Variants in PLCXD3 observed in about 807,000 individuals in gnomAD.
PLCXD3 encodes PI-PLC X domain-containing protein 3.
Under a neutral mutation model 25.5 loss-of-function variants are expected in PLCXD3, and 19 were observed. That is an observed-to-expected ratio of 0.75 (90% CI 0.52 to 1.09). The LOEUF is 1.09. Among genes scored for constraint, PLCXD3 ranks in the 50% least tolerant of loss-of-function variants. The probability of loss-of-function intolerance (pLI) is 0.00; values close to 1 mark genes in which losing one functional copy is unlikely to be tolerated. For synonymous variants in PLCXD3, 174 were observed against 137.6 expected, an observed-to-expected ratio of 1.26 and a Z score of -1.85; for missense variants, 411 against 388.1, an observed-to-expected ratio of 1.06 and a Z score of -0.50.
chr5:41,501,000 G>A (rs757990334), intron 1 of PLCXD3, among the ~76,000 whole-genome samples: 3 of 151,518 alleles, frequency 2.0e-5, no homozygotes, highest in Non-Finnish European at 4.4e-5. Flanking sequence ...TCAAAACCAC[G>A]GTAAGATATC....
intron 1 of PLCXD3, among the ~76,000 whole-genome samples, chr5:41,398,944 T>C (rs1746093500): frequency 6.6e-6 from 1 of 152,146 alleles, no homozygotes; most frequent in Non-Finnish European, 1.5e-5. Context: ...TAAACTAATA[T>C]TTCAAAAATC....
At chr5:41,383,663 T>C (rs900923294) in intron 1 of PLCXD3, among the ~76,000 whole-genome samples, 1 of 152,096 alleles carries the variant, frequency 6.6e-6, no homozygotes, top group Non-Finnish European at 1.5e-5. Context: ...ATTCCCTATC[T>C]GATACTCAGG....
intron 1 of PLCXD3, among the ~76,000 whole-genome samples, chr5:41,454,497 T>C (rs1266705423): frequency 1.3e-5 from 2 of 151,958 alleles, no homozygotes; most frequent in Non-Finnish European, 2.9e-5. Context: ...CCCATTCTTG[T>C]GGACAGAGCC....
At position 41,390,729 on chromosome 5, in the gene PLCXD3, A is replaced by AG. The variant is rs1554047041; in HGVS notation, c.104-8196_104-8195insC. On this transcript the variant is annotated intron_variant, in intron 1 of 2. Coordinates refer to ENST00000377801, the MANE Select transcript of PLCXD3 (RefSeq NM_001005473.3). ...AATAACTATCTACACAGAAAAAAAA[A>AG]CAAAAACACCTTCATAAGGAACAAA... Among the ~76,000 whole-genome samples, 27 of 152,290 alleles carry AG rather than the reference A, an allele frequency of 1.8e-4. 1 individual carries two copies.
chr5:41,447,389 A>G (rs1046233924), intron 1 of PLCXD3, among the ~76,000 whole-genome samples: 1 of 152,224 alleles, frequency 6.6e-6, no homozygotes, highest in African/African-American at 2.4e-5. Context: ...CATCTTGTCA[A>G]TTTCTCTTTG....
At chr5:41,446,194 A>AAAAAAAAAAAAAAAAAAAAAAAAC (rs1272396137) in intron 1 of PLCXD3, among the ~76,000 whole-genome samples, 2 of 148,852 alleles carry the variant, frequency 1.3e-5, no homozygotes, top group African/African-American at 2.4e-5. Flanking sequence ...AAAAAAAAAA[A>AAAAAAAAAAAAAAAAAAAAAAAAC]AAAAAAAGAA....
chr5:41,452,783 T>C (rs930557347), intron 1 of PLCXD3, among the ~76,000 whole-genome samples: 5 of 152,016 alleles, frequency 3.3e-5, no homozygotes, highest in African/African-American at 1.2e-4. Context: ...GCATTTCCAT[T>C]TAAAAGAACA....
intron 2 of PLCXD3, among the ~76,000 whole-genome samples, chr5:41,335,925 C>G (rs1015685811): frequency 6.6e-6 from 1 of 152,116 alleles, no homozygotes; most frequent in Non-Finnish European, 1.5e-5. Flanking sequence ...TTTATTGGCA[C>G]ACATTCCAAT....
rs192025526 is a variant in PLCXD3, at chr5:41,323,399, T to C, written c.813-9629A>G. Among the ~76,000 whole-genome samples the C allele has an allele frequency of 1.9e-3, 285 of 152,328 alleles. 6 individuals are homozygous for C. Among genetic ancestry groups the C allele is most frequent in the Non-Finnish European group, 4.6e-4 (31 of 68,026 alleles). ...TGTTTGCAACTCAATGGGCAAATGC[T>C]TGAGGGAAGGGATACCCCATTCTTC... On this transcript the variant is annotated intron_variant, in intron 2 of 2. Coordinates refer to ENST00000377801, the MANE Select transcript of PLCXD3 (RefSeq NM_001005473.3).
chr5:41,338,459 GCA>G (rs1475357925), intron 2 of PLCXD3, among the ~76,000 whole-genome samples: 1 of 151,926 alleles, frequency 6.6e-6, no homozygotes, highest in Admixed American at 6.6e-5. Context: ...GCATGCATGT[GCA>G]CACACACACA....
rs1743026735 is a variant in PLCXD3 at position 41,307,246 on chromosome 5, T to A, written c.*6371A>T. The A allele has an allele frequency of 6.6e-6, 1 of 152,450 alleles. No homozygotes were observed. The highest frequency in any genetic ancestry group is 2.4e-5 in the African/African-American group (1 of 41,398). 9.4% of individuals were successfully genotyped at this position (152,450 alleles called of 1,614,324 possible). ...CAACACAAATGTGTGTAAGCAGGAG[T>A]CATGAGATGGACATGTTATATTAAA... is the stretch of plus-strand genomic sequence containing the variant. On this transcript the variant is annotated 3_prime_UTR_variant, in exon 3 of 3. Coordinates refer to ENST00000377801, the MANE Select transcript of PLCXD3 (RefSeq NM_001005473.3).
At chr5:41,463,325 C>A (rs1747937212) in intron 1 of PLCXD3, among the ~76,000 whole-genome samples, 1 of 151,938 alleles carries the variant, frequency 6.6e-6, no homozygotes, top group Non-Finnish European at 1.5e-5. Flanking sequence ...TTCTGGGTTA[C>A]ACATGACCAT....
At chr5:41,478,560 A>T (rs1748329297) in intron 1 of PLCXD3, among the ~76,000 whole-genome samples, 2 of 152,212 alleles carry the variant, frequency 1.3e-5, no homozygotes, top group African/African-American at 4.8e-5. Flanking sequence ...TATTTACTAA[A>T]GCTGATGTAC....
chr5:41,453,398 T>C (rs1323697243), intron 1 of PLCXD3, among the ~76,000 whole-genome samples: 1 of 151,762 alleles, frequency 6.6e-6, no homozygotes, highest in Non-Finnish European at 1.5e-5. Flanking sequence ...GTTTCCTCAA[T>C]ATCTTTATTC....
chr5:41,320,732 G>A (rs541325035), intron 2 of PLCXD3, among the ~76,000 whole-genome samples: 1 of 152,254 alleles, frequency 6.6e-6, no homozygotes, highest in African/African-American at 2.4e-5. Flanking sequence ...TCCTGACCTC[G>A]TGATCCGTCC....
At chr5:41,394,629 A>G (rs1188663210) in intron 1 of PLCXD3, among the ~76,000 whole-genome samples, 1 of 152,190 alleles carries the variant, frequency 6.6e-6, no homozygotes, top group Non-Finnish European at 1.5e-5. Flanking sequence ...AAGATATTCC[A>G]TGCCAATGGA....
At chr5:41,350,220 T>G (rs111959171) in intron 2 of PLCXD3, among the ~76,000 whole-genome samples, 2,625 of 152,260 alleles carry the variant, frequency 0.017, 90 homozygotes, top group African/African-American at 0.061. Flanking sequence ...TTAAATTCCG[T>G]CCTCTGTTTT....
At chr5:41,319,297 C>A (rs547116208) in intron 2 of PLCXD3, among the ~76,000 whole-genome samples, 1 of 152,278 alleles carries the variant, frequency 6.6e-6, no homozygotes, top group South Asian at 2.1e-4. Context: ...CATCCAAGAG[C>A]TTCAGGATAC....
intron 2 of PLCXD3, among the ~76,000 whole-genome samples, chr5:41,334,495 A>G (rs758846907): frequency 7.9e-5 from 12 of 152,044 alleles, no homozygotes; most frequent in Admixed American, 2.0e-4. Context: ...TCCTAACGAC[A>G]CTGGATGTTT....
Sources: gnomAD v4.1 joint callset for allele counts (sites outside exome capture counted in the v4.1 genomes callset) on GRCh38, gnomAD v4.1.1 for gene constraint, MANE v1.5 for transcripts, NCBI Gene and HGNC (gene_info 2026-07-23, HGNC 2026-07-21) for gene names.